The following BANK1 variants were observed in gnomAD, a reference collection of about 807,000 sequenced individuals.
The protein encoded by BANK1 is B-cell scaffold protein with ankyrin repeats.
In BANK1, 95 loss-of-function variants were observed where a neutral mutation model predicts 94.5. The ratio of observed to expected loss-of-function variants is 1.00; its 90% CI spans 0.85 to 1.19. The LOEUF (loss-of-function observed/expected upper bound fraction) is 1.19, where lower values mean the gene tolerates loss of function less well. Ranked by LOEUF, BANK1 falls within the 50% of genes most tolerant of loss-of-function variation. The pLI, the probability that BANK1 is intolerant of heterozygous loss-of-function variation, is 0.00. For synonymous variants in BANK1, 334 were observed against 308.4 expected (o/e 1.08, Z -0.87); for missense variants, 987 against 932.2 (o/e 1.06, Z -0.77).
chr4:102,025,160 GGT>G, intron 8 of BANK1, 39 bp from the exon 9 acceptor site: 16 of 1,586,688 alleles, frequency 1.0e-5, no homozygotes, highest in Non-Finnish European at 1.4e-5. Flanking sequence ...GCCTTCAGAT[GGT>G]GTGTTTAAAT....
intron 5 of BANK1, among the ~76,000 whole-genome samples, chr4:101,877,204 A>T (rs1277857413): frequency 2.6e-5 from 4 of 152,182 alleles, no homozygotes; most frequent in Non-Finnish European, 5.9e-5. Context: ...TGAGAAAGTT[A>T]TAGAACAGCA....
At chr4:101,873,933 G>A (rs773560584) in intron 5 of BANK1, among the ~76,000 whole-genome samples, 1 of 152,030 alleles carries the variant, frequency 6.6e-6, no homozygotes, top group Non-Finnish European at 1.5e-5. Context: ...TTTGTAACTA[G>A]ATAACAATAT....
At chr4:101,979,389 AC>A (rs1725249938) in intron 7 of BANK1, among the ~76,000 whole-genome samples, 1 of 151,896 alleles carries the variant, frequency 6.6e-6, no homozygotes, top group Admixed American at 6.6e-5. Context: ...ACAGTAAACA[AC>A]CTGTTATTGT....
intron 2 of BANK1, among the ~76,000 whole-genome samples, chr4:101,830,848 G>A (rs2148863708): frequency 6.6e-6 from 1 of 152,176 alleles, no homozygotes; most frequent in Non-Finnish European, 1.5e-5. Flanking sequence ...TTCTAACTAT[G>A]GTTTCATGGC....
intron 1 of BANK1, among the ~76,000 whole-genome samples, chr4:101,822,851 G>A (rs941678450): frequency 3.9e-5 from 6 of 151,958 alleles, no homozygotes; most frequent in Non-Finnish European, 8.8e-5. Flanking sequence ...TCCTGACCTC[G>A]TGATCCGCCC....
chr4:101,869,077 C>G (rs754337319), intron 4 of BANK1, among the ~76,000 whole-genome samples: 1 of 151,772 alleles, frequency 6.6e-6, no homozygotes, highest in Non-Finnish European at 1.5e-5. Flanking sequence ...TTTATCTACT[C>G]TGTATCAAAA....
rs1381873871 is a variant in BANK1, at chr4:101,903,353, A to G, written c.1009+7943A>G. On this transcript the variant is annotated intron_variant, in intron 6 of 16. Transcript: ENST00000322953. Reference sequence around the variant, plus strand: ...TATTTGTGCCTTCATGAGAGGGACAATAATTTTTCCATGATCATAACCATG... The same window carrying G: ...TATTTGTGCCTTCATGAGAGGGACAGTAATTTTTCCATGATCATAACCATG... Among the ~76,000 whole-genome samples, 6 of 152,218 alleles carry G rather than the reference A, an allele frequency of 3.9e-5. No individual in the cohort carries two copies. The South Asian group carries it at 8.3e-4, about 21-fold the overall frequency.
chr4:102,060,102 C>A, intron 11 of BANK1, 109 bp from the exon 12 acceptor site: 1 of 977,450 alleles, frequency 1.0e-6, no homozygotes, highest in Non-Finnish European at 1.5e-6. Flanking sequence ...TTTAACTGCT[C>A]ATAGAGAGTT....
intron 11 of BANK1, among the ~76,000 whole-genome samples, chr4:102,051,428 A>G (rs1728042681): frequency 6.6e-6 from 1 of 152,198 alleles, no homozygotes; most frequent in Admixed American, 6.5e-5. Flanking sequence ...TATGTTCGCA[A>G]CCCACAGTGT....
At chr4:101,921,426 C>T (rs1006615899) in intron 7 of BANK1, among the ~76,000 whole-genome samples, 5 of 151,886 alleles carry the variant, frequency 3.3e-5, no homozygotes, top group African/African-American at 9.7e-5. Flanking sequence ...AGAAACTTAT[C>T]TCTTAAATAA....
At chr4:101,873,106 C>A (rs1259633633) in intron 5 of BANK1, among the ~76,000 whole-genome samples, 1 of 129,168 alleles carries the variant, frequency 7.7e-6, no homozygotes, top group East Asian at 2.1e-4. Context: ...CTTTCATGGG[C>A]TACTCAGCCA....
chr4:101,951,607 T>C (rs1321746410), intron 7 of BANK1, among the ~76,000 whole-genome samples: 1 of 152,076 alleles, frequency 6.6e-6, no homozygotes, highest in Non-Finnish European at 1.5e-5. Flanking sequence ...AAACAAATCC[T>C]TAGATTTACT....
In BANK1 at chr4:102,073,709, A is replaced by T; in HGVS notation, c.2324A>T (p.Lys775Met). Residue 775 changes from lysine (K) to methionine (M), a missense_variant, in exon 16 of 17, where the codon AAG becomes ATG. Lys to Met is a moderately conservative substitution (Grantham distance 95). Transcript: ENST00000322953. ...NKLPARPQVE[K>M]EFGFCCKKDH ...CTTCCTGCTCGACCCCAAGTTGAAA[A>T]GGAATTTGGTTTCTGTTGCAAGAAA... 1 of 1,611,700 alleles carries T rather than the reference A, an allele frequency of 6.2e-7. No individual in the cohort carries two copies. Among genetic ancestry groups the T allele is most frequent in the Non-Finnish European group, 8.5e-7 (1 of 1,178,738 alleles).
Position 101,979,183 on chromosome 4 carries a change from A to T in BANK1, c.1207-42331A>T, listed in dbSNP as rs367696359. On this transcript the variant is annotated intron_variant, in intron 7 of 16. Transcript: ENST00000322953. ...AGTTTGCAAGATAATACCTGATGTA[A>T]TGTTCTATTCTCTGAAAAGAATGGT... is the stretch of plus-strand genomic sequence containing the variant. 2.6e-5 allele frequency among the ~76,000 whole-genome samples: 4 copies of T among 152,092 alleles called. No homozygotes were observed. The East Asian group carries it at 5.8e-4, about 22-fold the overall frequency.
At chr4:101,892,644 A>C (rs986999669) in intron 5 of BANK1, among the ~76,000 whole-genome samples, 2 of 151,852 alleles carry the variant, frequency 1.3e-5, no homozygotes, top group African/African-American at 4.8e-5. Context: ...AAGTTCATTA[A>C]CTAAAGTCTT....
intron 7 of BANK1, among the ~76,000 whole-genome samples, chr4:101,946,390 C>A (rs1322518840): frequency 2.0e-5 from 3 of 152,014 alleles, no homozygotes; most frequent in South Asian, 2.1e-4. Flanking sequence ...ATTACTTAAT[C>A]CTATGTTTGG....
intron 7 of BANK1, among the ~76,000 whole-genome samples, chr4:101,958,696 A>T (rs1724457072): frequency 6.6e-6 from 1 of 152,180 alleles, no homozygotes; most frequent in African/African-American, 2.4e-5. Context: ...GGACATAAGG[A>T]TGTCAGCAGG....
chr4:101,879,888 C>T (rs1028819239), intron 5 of BANK1, among the ~76,000 whole-genome samples: 3 of 152,068 alleles, frequency 2.0e-5, no homozygotes, highest in African/African-American at 7.2e-5. Flanking sequence ...TAAAATTCAA[C>T]ATCCTTTCAT....
At chr4:101,798,481 A>G (rs985050108) in intron 1 of BANK1, among the ~76,000 whole-genome samples, 2 of 151,570 alleles carry the variant, frequency 1.3e-5, no homozygotes, top group African/African-American at 2.4e-5. Flanking sequence ...TGTGTTTAAG[A>G]ATTTCTGTCT....
Sources: allele counts gnomAD v4.1 joint callset (sites outside exome capture counted in the v4.1 genomes callset), GRCh38; gene constraint gnomAD v4.1.1; transcripts MANE v1.5; gene names NCBI Gene and HGNC (gene_info 2026-07-23, HGNC 2026-07-21).